The following MAP7D2 variants were observed in gnomAD, a reference collection of about 807,000 sequenced individuals.
MAP7D2 encodes MAP7 domain-containing protein 2.
A neutral mutation model predicts 63.5 loss-of-function variants in MAP7D2; 33 were observed. The observed-to-expected ratio is 0.52, with a 90% confidence interval of 0.39 to 0.70. The LOEUF (loss-of-function observed/expected upper bound fraction) is 0.70. Among genes scored for constraint, MAP7D2 ranks in the 30% least tolerant of loss-of-function variants. MAP7D2 has a pLI of 0.00. For missense variants in MAP7D2, 626 were observed against 604.0 expected (o/e 1.04, Z -0.38); for synonymous variants, 224 against 223.7 (o/e 1.00, Z -0.01).
intron 10 of MAP7D2, among the ~76,000 whole-genome samples, chrX:20,023,378 G>A (rs2073723772): frequency 8.9e-6 from 1 of 112,501 alleles, no homozygotes; most frequent in Non-Finnish European, 1.9e-5. Flanking sequence ...GCTGGTCCAG[G>A]ACTAAGGGCT....
chrX:20,020,296 C>T (rs1312051284), intron 10 of MAP7D2, among the ~76,000 whole-genome samples: 2 of 110,984 alleles, frequency 1.8e-5, no homozygotes, highest in African/African-American at 3.3e-5. Flanking sequence ...TTTCCATGCC[C>T]TGGAAAAATG....
At chrX:20,022,410 T>C (rs1332493437) in intron 10 of MAP7D2, among the ~76,000 whole-genome samples, 1 of 110,762 alleles carries the variant, frequency 9.0e-6, no homozygotes, top group Non-Finnish European at 1.9e-5. Flanking sequence ...AACAATCACA[T>C]TTATTTGAGA....
At chrX:20,093,208 C>T (rs1353749932) in intron 1 of MAP7D2, among the ~76,000 whole-genome samples, 1 of 111,856 alleles carries the variant, frequency 8.9e-6, no homozygotes, top group Admixed American at 9.5e-5. Context: ...AGTTGTGCCA[C>T]ATCCACCAAT....
At chrX:20,019,593 A>T (rs1454142214) in intron 10 of MAP7D2, among the ~76,000 whole-genome samples, 2 of 111,303 alleles carry the variant, frequency 1.8e-5, no homozygotes, top group African/African-American at 6.5e-5. Flanking sequence ...CACAAACTTA[A>T]ACTTGAATTG....
intron 1 of MAP7D2, among the ~76,000 whole-genome samples, chrX:20,071,100 C>T (rs777854553): frequency 1.8e-5 from 2 of 112,580 alleles, no homozygotes; most frequent in African/African-American, 6.4e-5. Flanking sequence ...GAAGGGTCCT[C>T]ACCTCCTCTG....
intron 16 of MAP7D2, among the ~76,000 whole-genome samples, chrX:20,008,686 C>T (rs1012839722): frequency 2.7e-5 from 3 of 112,116 alleles, no homozygotes; most frequent in Non-Finnish European, 3.8e-5. Flanking sequence ...TGCCCCCAGC[C>T]ACTCTGGCAA....
chrX:20,097,560 GCTA>G (rs2066305058), intron 1 of MAP7D2, among the ~76,000 whole-genome samples: 1 of 112,248 alleles, frequency 8.9e-6, no homozygotes, highest in African/African-American at 3.2e-5. Flanking sequence ...AAAAATGAAC[GCTA>G]CTGTCAGTGT....
chrX:20,037,600 A>G (rs1411410694), intron 8 of MAP7D2, among the ~76,000 whole-genome samples: 1 of 112,202 alleles, frequency 8.9e-6, no homozygotes, highest in Admixed American at 9.4e-5. Context: ...CCCAGTGGGC[A>G]CAACTCCGAG....
chrX:20,105,504 T>C (rs1390259988), intron 1 of MAP7D2, among the ~76,000 whole-genome samples: 2 of 111,689 alleles, frequency 1.8e-5, no homozygotes, highest in Middle Eastern at 4.6e-3. Context: ...ACATCAAACC[T>C]AGAAAGATGG....
intron 1 of MAP7D2, among the ~76,000 whole-genome samples, chrX:20,065,295 C>G (rs2065326762): frequency 1.0e-5 from 1 of 97,378 alleles, no homozygotes; most frequent in Non-Finnish European, 2.0e-5. Flanking sequence ...GAGACAGAGT[C>G]TCACTCTGTC....
chrX:20,032,344 G>A (rs1289183132), intron 8 of MAP7D2, among the ~76,000 whole-genome samples: 1 of 111,441 alleles, frequency 9.0e-6, no homozygotes, highest in Admixed American at 9.5e-5. Context: ...AGTCGCCCTT[G>A]TGGGAGCCTA....
At chrX:20,107,296 C>T (rs1008102669) in intron 1 of MAP7D2, among the ~76,000 whole-genome samples, 10 of 110,492 alleles carry the variant, frequency 9.1e-5, no homozygotes, top group Non-Finnish European at 1.3e-4. Context: ...AGGGGCTGGG[C>T]GCGGTGGCTC....
chrX:20,051,105 C>A (rs184791727), intron 5 of MAP7D2, among the ~76,000 whole-genome samples, 159 bp from the exon 6 acceptor site: 1 of 112,502 alleles, frequency 8.9e-6, no homozygotes, highest in Non-Finnish European at 1.9e-5. Flanking sequence ...AATTTGTCAT[C>A]GTAAAATAAA....
At chrX:20,051,948 T>C (rs1334589941) in intron 5 of MAP7D2, among the ~76,000 whole-genome samples, 17 of 112,513 alleles carry the variant, frequency 1.5e-4, no homozygotes, top group Non-Finnish European at 1.7e-4. Flanking sequence ...TTCCTGGTGC[T>C]TACCATGAAC....
chrX:20,087,454 G>A (rs1017164315), intron 1 of MAP7D2, among the ~76,000 whole-genome samples: 2 of 111,952 alleles, frequency 1.8e-5, no homozygotes, highest in East Asian at 5.6e-4. Context: ...TCCACCATGA[G>A]TGGAAGTAGC....
At position 20,012,381 on chromosome X, in the gene MAP7D2, A is replaced by G; in HGVS notation, c.2040T>C (p.Asp680=). ...ALDGKSNSLD[D]STEEVQSMDV... ...CCATAGACTGAACTTCTTCAGTTGA[A>G]TCATCCAGGCTATTTGATTTCCCAT... The change falls in exon 15 of 17, where the codon GAT becomes GAC. Residue 680 remains aspartate, a synonymous_variant. Coordinates refer to ENST00000379643, the MANE Select transcript of MAP7D2 (RefSeq NM_001168465.2). The G allele has an allele frequency of 1.7e-6, 2 of 1,205,901 alleles. No individual in the cohort carries two copies. Among genetic ancestry groups the G allele is most frequent in the Non-Finnish European group, 1.1e-6 (1 of 892,662 alleles).
intron 1 of MAP7D2, among the ~76,000 whole-genome samples, chrX:20,085,845 G>A (rs1226638240): frequency 9.0e-6 from 1 of 111,585 alleles, no homozygotes; most frequent in African/African-American, 3.3e-5. Context: ...CCAAGTAGCT[G>A]GGATTACAGG....
intron 1 of MAP7D2, among the ~76,000 whole-genome samples, chrX:20,113,258 T>G (rs1371836799): frequency 1.8e-5 from 2 of 111,630 alleles, no homozygotes; most frequent in Admixed American, 1.9e-4. Flanking sequence ...GAACACTTTT[T>G]TTTTTAAGAT....
At chrX:20,104,291 T>A (rs983585148) in intron 1 of MAP7D2, among the ~76,000 whole-genome samples, 1 of 112,515 alleles carries the variant, frequency 8.9e-6, no homozygotes, top group South Asian at 3.6e-4. Context: ...AAATGCATAA[T>A]TTTTAATGTT....
Sources: allele counts gnomAD v4.1 joint callset (sites outside exome capture counted in the v4.1 genomes callset), GRCh38; gene constraint gnomAD v4.1.1; transcripts MANE v1.5; gene names NCBI Gene and HGNC (gene_info 2026-07-23, HGNC 2026-07-21).